Variants in PLAGL1 observed in about 807,000 individuals in gnomAD.
The protein encoded by PLAGL1 is zinc finger protein PLAGL1.
Under a neutral mutation model 4.6 loss-of-function variants are expected in PLAGL1, and 1 was observed. The ratio of observed to expected loss-of-function variants is 0.22; its 90% CI spans 0.08 to 1.03. The LOEUF (loss-of-function observed/expected upper bound fraction) is 1.03. PLAGL1 is among the 50% of genes least tolerant of loss of function. The probability of loss-of-function intolerance (pLI) is 0.58; values close to 1 mark genes in which losing one functional copy is unlikely to be tolerated. For missense variants in PLAGL1, 464 were observed against 570.4 expected (o/e 0.81, Z 1.90); for synonymous variants, 240 against 237.8 (o/e 1.01, Z -0.08).
In PLAGL1 at chr6:143,995,741, T is replaced by C. The variant is rs1427812277; in HGVS notation, c.-583-10567A>G. The stretch of plus-strand genomic sequence containing the variant: ...GACTAAAGGAAGAAAGATCACCCTT[T>C]CTACATGTTTCATAATATATTTTCC... On this transcript the variant is annotated intron_variant, in intron 1 of 7. Transcript: ENST00000674357. This position sits in a 1 kb window ranked among gnomAD's most constrained non-coding sequence, Gnocchi z 4.4. Among the ~76,000 whole-genome samples, 2 of 152,182 alleles carry C rather than the reference T, an allele frequency of 1.3e-5. No homozygotes were observed. Among genetic ancestry groups the C allele is most frequent in the East Asian group, 3.8e-4 (2 of 5,204 alleles).
Position 144,062,100 on chromosome 6 carries a change from G to A in PLAGL1, c.-151+2368C>T, listed in dbSNP as rs114665395. ...ACTTAAAAAACAGACATCATGGGCCGGGCACGGTGGCTCATGCCTATAATC... is the reference window on the plus strand; with the variant it reads ...ACTTAAAAAACAGACATCATGGGCCAGGCACGGTGGCTCATGCCTATAATC... On this transcript the variant is annotated intron_variant, in intron 1 of 3. Transcript: ENST00000437412. Among the ~76,000 whole-genome samples the A allele has an allele frequency of 1.8e-3, 279 of 152,204 alleles. 1 individual carries two copies. The highest frequency in any genetic ancestry group is 6.6e-3 in the South Asian group (32 of 4,826).
chr6:144,013,280 G>C (rs1298946836), upstream of PLAGL1, among the ~76,000 whole-genome samples: 1 of 152,176 alleles, frequency 6.6e-6, no homozygotes, highest in Non-Finnish European at 1.5e-5. The surrounding 1 kb of genome is among the most constrained non-coding windows in gnomAD (Gnocchi z 4.4). Flanking sequence ...GTTACCAGGG[G>C]TAACAGCTAT....
rs2062593841 is a variant in PLAGL1, at chr6:143,950,964, C to G, written c.-324-2504G>C. ...ACAGGCAGACTCTTGGTATTCCCAT[C>G]AAAGGAGAGGAAGGCAAGGCTGTGC... is the stretch of plus-strand genomic sequence containing the variant. On this transcript the variant is annotated intron_variant, in intron 6 of 7. Coordinates refer to ENST00000674357, the MANE Select transcript of PLAGL1 (RefSeq NM_001317162.2). This position sits in a 1 kb window ranked among gnomAD's most constrained non-coding sequence, Gnocchi z 6.3. Among the ~76,000 whole-genome samples, 1 of 152,224 alleles carries G rather than the reference C, an allele frequency of 6.6e-6. No homozygotes were observed. The highest frequency in any genetic ancestry group is 1.5e-5 in the Non-Finnish European group (1 of 68,038).
At chr6:143,998,903 G>A (rs76974282) in intron 1 of PLAGL1, among the ~76,000 whole-genome samples, 26,037 of 152,090 alleles carry the variant, frequency 0.17, 2,361 homozygotes, top group Admixed American at 0.27. Context: ...TTGAGAAATC[G>A]GAGAAGGCCA....
In PLAGL1 at chr6:143,963,228, A is replaced by G. The variant is rs1783733821; in HGVS notation, c.-399+1559T>C. Among the ~76,000 whole-genome samples, 1 of 152,190 alleles carries G rather than the reference A, an allele frequency of 6.6e-6. No homozygotes were observed. Among genetic ancestry groups the G allele is most frequent in the Admixed American group, 6.5e-5 (1 of 15,280 alleles). ...ACCCCATGCACAACCCAAGGTTACAATTACTCCTTGAAGTCAGAAGCCTCC... is the reference window on the plus strand; with the variant it reads ...ACCCCATGCACAACCCAAGGTTACAGTTACTCCTTGAAGTCAGAAGCCTCC... On this transcript the variant is annotated intron_variant, in intron 5 of 7. Coordinates refer to ENST00000674357, the MANE Select transcript of PLAGL1 (RefSeq NM_001317162.2). This position sits in a 1 kb window ranked among gnomAD's most constrained non-coding sequence, Gnocchi z 6.1.
chr6:144,058,631 G>A (rs898558956), intron 1 of PLAGL1, among the ~76,000 whole-genome samples: 1 of 152,126 alleles, frequency 6.6e-6, no homozygotes, highest in Non-Finnish European at 1.5e-5. Context: ...TACAATGGTG[G>A]TACAGACACT....
At chr6:144,003,506 C>A (rs1412087302) in intron 1 of PLAGL1, among the ~76,000 whole-genome samples, 1 of 151,884 alleles carries the variant, frequency 6.6e-6, no homozygotes, top group African/African-American at 2.4e-5. Flanking sequence ...TGCCTGTAGT[C>A]CCAGCTACTC....
At chr6:144,025,735 C>CA (rs371471806) in intron 1 of PLAGL1, among the ~76,000 whole-genome samples, 6,872 of 151,514 alleles carry the variant, frequency 0.045, 229 homozygotes, top group East Asian at 0.18. Flanking sequence ...ACTAAAAATA[C>CA]AAAAAAAATT....
intron 1 of PLAGL1, among the ~76,000 whole-genome samples, chr6:144,017,827 C>T (rs538883653): frequency 2.0e-5 from 3 of 152,310 alleles, no homozygotes; most frequent in African/African-American, 4.8e-5. Context: ...ATCATAACTT[C>T]CTGCTCTTCC....
At chr6:144,002,284 A>G (rs1793073706) in intron 1 of PLAGL1, among the ~76,000 whole-genome samples, 1 of 152,222 alleles carries the variant, frequency 6.6e-6, no homozygotes, top group South Asian at 2.1e-4. Flanking sequence ...TCAATCTGGT[A>G]AAGAACATCT....
intron 1 of PLAGL1, among the ~76,000 whole-genome samples, chr6:144,025,049 G>C (rs753420514): frequency 6.6e-6 from 1 of 152,150 alleles, no homozygotes; most frequent in Admixed American, 6.5e-5. Flanking sequence ...ATTATAGAGG[G>C]GGGAGGGGTG....
In PLAGL1 at chr6:143,983,562, C is replaced by T. The variant is rs1183993700; in HGVS notation, c.-544+1573G>A. Reference sequence around the variant, plus strand: ...ATCTTTCTCCAGCTACGTTCAGCTGCACTGCTGCAGGCATGGAATCAGCAA... The same window carrying T: ...ATCTTTCTCCAGCTACGTTCAGCTGTACTGCTGCAGGCATGGAATCAGCAA... On this transcript the variant is annotated intron_variant, in intron 2 of 7. Transcript: ENST00000674357. The surrounding 1 kb of genome is among the most constrained non-coding windows in gnomAD (Gnocchi z 6.6). Among the ~76,000 whole-genome samples the T allele has an allele frequency of 6.6e-6, 1 of 152,036 alleles. No homozygotes were observed. The highest frequency in any genetic ancestry group is 1.5e-5 in the Non-Finnish European group (1 of 68,000).
At chr6:144,026,050 C>A (rs185150935) in intron 1 of PLAGL1, among the ~76,000 whole-genome samples, 8 of 152,278 alleles carry the variant, frequency 5.3e-5, no homozygotes, top group South Asian at 4.1e-4. Flanking sequence ...TCCAGTTTAT[C>A]CCAGCTCCTT....
chr6:144,035,026 G>A, intron 1 of PLAGL1, among the ~76,000 whole-genome samples: 1 of 152,114 alleles, frequency 6.6e-6, no homozygotes, highest in South Asian at 2.1e-4. Flanking sequence ...CTAGTGGTGG[G>A]TATAAGGGCA....
chr6:143,996,697 C>CAGAA (rs1265054173), intron 1 of PLAGL1, among the ~76,000 whole-genome samples: 1 of 142,964 alleles, frequency 7.0e-6, no homozygotes, highest in Non-Finnish European at 1.5e-5. Context: ...GGTAGACGAA[C>CAGAA]AGAACAAGGA....
Position 144,005,008 on chromosome 6 carries a change from CTATATA to C in PLAGL1, c.-584+3076_-584+3081del, listed in dbSNP as rs1168076255. The C allele has an allele frequency of 6.7e-6, 1 of 149,254 alleles. No individual in the cohort carries two copies. The highest frequency in any genetic ancestry group is 1.9e-4 in the East Asian group (1 of 5,152). The allele number at this position is 149,254 out of a possible 1,614,324, so 9.2% of individuals were successfully genotyped here. The stretch of plus-strand genomic sequence containing the variant: ...ACTCTACAGAGAGATTATATATAAT[CTATATA>C]TAAAGTGTATGTGTATATATTATAT... On this transcript the variant is annotated intron_variant, in intron 1 of 7. Coordinates refer to ENST00000674357, the MANE Select transcript of PLAGL1 (RefSeq NM_001317162.2). The surrounding 1 kb of genome is among the most constrained non-coding windows in gnomAD (Gnocchi z 4.6).
chr6:144,023,973 C>A (rs1418383699), intron 1 of PLAGL1, among the ~76,000 whole-genome samples: 1 of 151,966 alleles, frequency 6.6e-6, no homozygotes, highest in African/African-American at 2.4e-5. Context: ...CACGGGGTTT[C>A]ACCATGTTGA....
chr6:143,998,455 T>C (rs1792143585), intron 1 of PLAGL1, among the ~76,000 whole-genome samples: 1 of 152,224 alleles, frequency 6.6e-6, no homozygotes, highest in Non-Finnish European at 1.5e-5. Context: ...CTAATCTCTT[T>C]GATACTAAGT....
At position 143,961,059 on chromosome 6, in the gene PLAGL1, G is replaced by T. The variant is rs1783291664; in HGVS notation, c.-398-517C>A. 1 of 152,214 alleles carries T rather than the reference G, an allele frequency of 6.6e-6. No homozygotes were observed. The highest frequency in any genetic ancestry group is 1.5e-5 in the Non-Finnish European group (1 of 68,038). The allele number at this position is 152,214 out of a possible 1,614,324, so 9.4% of individuals were successfully genotyped here. A position where few individuals can be genotyped will look rare whatever the true frequency, so the allele number is the denominator to read the frequency against. On this transcript the variant is annotated intron_variant, in intron 5 of 7. Transcript: ENST00000674357. The surrounding 1 kb of genome is among the most constrained non-coding windows in gnomAD (Gnocchi z 6.5). ...CTGAATTAAATGGTTACTAAACCTG[G>T]CTATGCATTAGAATCAGCATGGAAA...
Sources: allele counts gnomAD v4.1 joint callset (sites outside exome capture counted in the v4.1 genomes callset), GRCh38; gene constraint gnomAD v4.1.1; non-coding constraint Gnocchi (gnomAD v3.1); transcripts MANE v1.5; gene names NCBI Gene and HGNC (gene_info 2026-07-23, HGNC 2026-07-21).